Variants in ARHGAP24 observed in about 807,000 individuals in gnomAD.
The protein encoded by ARHGAP24 is rho GTPase-activating protein 24.
In ARHGAP24, 50 loss-of-function variants were observed where a neutral mutation model predicts 76.4. That is an observed-to-expected ratio of 0.65 (90% CI 0.52 to 0.83). ARHGAP24 has a LOEUF of 0.83. Ranked by LOEUF, ARHGAP24 falls within the 40% of genes least tolerant of loss-of-function variation. The pLI is 0.00. For missense variants in ARHGAP24, 930 were observed against 914.2 expected (o/e 1.02, Z -0.22); for synonymous variants, 345 against 323.3 (o/e 1.07, Z -0.72).
At chr4:85,916,152 C>T (rs941524846) in intron 3 of ARHGAP24, among the ~76,000 whole-genome samples, 8 of 152,146 alleles carry the variant, frequency 5.3e-5, no homozygotes, top group African/African-American at 1.7e-4. Context: ...TTTTGATTTG[C>T]ATTTCTCTAA....
chr4:85,681,368 G>C (rs968253728), intron 2 of ARHGAP24, among the ~76,000 whole-genome samples: 1 of 152,096 alleles, frequency 6.6e-6, no homozygotes, highest in Non-Finnish European at 1.5e-5. Context: ...CTTCATCCAA[G>C]AAGCACCACG....
intron 1 of ARHGAP24, among the ~76,000 whole-genome samples, chr4:85,497,746 G>A (rs1404836135): frequency 6.6e-6 from 1 of 152,184 alleles, no homozygotes; most frequent in South Asian, 2.1e-4. Flanking sequence ...CTTGAACCCA[G>A]GAGGTGGAGG....
At chr4:85,817,910 A>G (rs1729308902) in intron 3 of ARHGAP24, among the ~76,000 whole-genome samples, 1 of 152,208 alleles carries the variant, frequency 6.6e-6, no homozygotes, top group Non-Finnish European at 1.5e-5. Flanking sequence ...AAAATGTTAT[A>G]ATATTGACCA....
chr4:85,930,946 A>T, intron 4 of ARHGAP24: 1 of 1,613,998 alleles, frequency 6.2e-7, no homozygotes, highest in Non-Finnish European at 8.5e-7. Flanking sequence ...TGAAGACCGG[A>T]ATTCTGGGGG....
chr4:85,564,930 A>G (rs1165519893), intron 1 of ARHGAP24, among the ~76,000 whole-genome samples: 36 of 75,488 alleles, frequency 4.8e-4, no homozygotes, highest in South Asian at 7.8e-4. Context: ...CACGGTATAT[A>G]TATATATATA....
At chr4:85,520,965 T>C (rs945459675) in intron 1 of ARHGAP24, among the ~76,000 whole-genome samples, 41 of 152,190 alleles carry the variant, frequency 2.7e-4, no homozygotes, top group Admixed American at 1.9e-3. Flanking sequence ...AGCAGAGAAG[T>C]TGACTGAAAA....
intron 2 of ARHGAP24, among the ~76,000 whole-genome samples, chr4:85,695,126 T>C (rs1311177612): frequency 6.6e-6 from 1 of 152,236 alleles, no homozygotes; most frequent in Non-Finnish European, 1.5e-5. Context: ...TGGAAGATCT[T>C]AATGTTGTAT....
intron 3 of ARHGAP24, among the ~76,000 whole-genome samples, chr4:85,858,090 A>C (rs1336047491): frequency 6.6e-6 from 1 of 152,192 alleles, no homozygotes; most frequent in Non-Finnish European, 1.5e-5. Context: ...TGTGAGAAAA[A>C]AATGTAGAAT....
intron 2 of ARHGAP24, among the ~76,000 whole-genome samples, chr4:85,701,233 C>A (rs1327390802): frequency 1.3e-5 from 2 of 152,136 alleles, no homozygotes; most frequent in African/African-American, 4.8e-5. Flanking sequence ...TCTTCCTAAT[C>A]ACATTATCGA....
At chr4:85,966,499 C>G (rs544616462) in intron 5 of ARHGAP24, among the ~76,000 whole-genome samples, 62 of 152,262 alleles carry the variant, frequency 4.1e-4, no homozygotes, top group African/African-American at 1.5e-3. Flanking sequence ...TAACCAGATT[C>G]TAGTTTCACT....
At chr4:85,665,346 T>C (rs1722569742) in intron 2 of ARHGAP24, among the ~76,000 whole-genome samples, 1 of 152,164 alleles carries the variant, frequency 6.6e-6, no homozygotes, top group African/African-American at 2.4e-5. Flanking sequence ...CCCCTGCCTT[T>C]TTTTGTTTTC....
At chr4:85,645,620 C>T (rs189087935) in intron 2 of ARHGAP24, among the ~76,000 whole-genome samples, 79 of 152,140 alleles carry the variant, frequency 5.2e-4, no homozygotes, top group Middle Eastern at 3.4e-3. Flanking sequence ...ATCAAACCTG[C>T]GTGTCCATCT....
intron 3 of ARHGAP24, among the ~76,000 whole-genome samples, chr4:85,787,574 A>C (rs1212234828): frequency 6.6e-6 from 1 of 152,248 alleles, no homozygotes; most frequent in Non-Finnish European, 1.5e-5. Context: ...TTTCAAAAAA[A>C]TCTAACTCCA....
At chr4:85,934,990 T>G (rs1736550784) in intron 4 of ARHGAP24, among the ~76,000 whole-genome samples, 1 of 152,216 alleles carries the variant, frequency 6.6e-6, no homozygotes, top group Admixed American at 6.5e-5. Context: ...CAATCAGGGA[T>G]TCAAGATCGA....
intron 3 of ARHGAP24, among the ~76,000 whole-genome samples, chr4:85,749,726 T>C (rs991873495): frequency 2.6e-5 from 4 of 152,080 alleles, no homozygotes; most frequent in African/African-American, 7.2e-5. Flanking sequence ...CCACCACGCC[T>C]GGCTAATTTT....
chr4:85,842,333 G>T (rs1730643673), intron 3 of ARHGAP24, among the ~76,000 whole-genome samples: 1 of 151,658 alleles, frequency 6.6e-6, no homozygotes, highest in Non-Finnish European at 1.5e-5. Flanking sequence ...ATCCTAACCT[G>T]CCACTTTCTG....
intron 1 of ARHGAP24, among the ~76,000 whole-genome samples, chr4:85,526,918 A>C (rs1486509836): frequency 6.6e-6 from 1 of 152,226 alleles, no homozygotes; most frequent in Non-Finnish European, 1.5e-5. Context: ...TAGGAATATT[A>C]CACATAATCT....
chr4:85,833,916 T>A (rs1730127497), intron 3 of ARHGAP24, among the ~76,000 whole-genome samples: 1 of 152,258 alleles, frequency 6.6e-6, no homozygotes. Flanking sequence ...TGGGATCAGC[T>A]GGATCTGCTT....
intron 3 of ARHGAP24, among the ~76,000 whole-genome samples, chr4:85,896,566 A>T (rs1041498473): frequency 6.6e-6 from 1 of 152,322 alleles, no homozygotes; most frequent in Non-Finnish European, 1.5e-5. Context: ...TTTCACTTGC[A>T]TAGCAAACAC....
Sources: gnomAD v4.1 joint callset for allele counts (sites outside exome capture counted in the v4.1 genomes callset) on GRCh38, gnomAD v4.1.1 for gene constraint, MANE v1.5 for transcripts, NCBI Gene and HGNC (gene_info 2026-07-23, HGNC 2026-07-21) for gene names.